AKAP13: variants seen among roughly 807,000 people sequenced by gnomAD.
The protein encoded by AKAP13 is A-kinase anchoring protein 13.
A neutral mutation model predicts 264.5 loss-of-function variants in AKAP13; 80 were observed. The observed-to-expected ratio is 0.30, with a 90% confidence interval of 0.25 to 0.36. AKAP13 has a LOEUF of 0.36. AKAP13 is among the 10% of genes least tolerant of loss of function. AKAP13 has a pLI of 1.00. For missense variants in AKAP13, 3,712 were observed against 3,435.2 expected, an observed-to-expected ratio of 1.08 and a Z score of -2.01; for synonymous variants, 1,380 against 1,250.2, an observed-to-expected ratio of 1.10 and a Z score of -2.19.
At chr15:85,614,725 G>A (rs1458577257) in intron 8 of AKAP13, among the ~76,000 whole-genome samples, 2 of 152,140 alleles carry the variant, frequency 1.3e-5, no homozygotes, top group East Asian at 1.9e-4. Flanking sequence ...ACACAACTGA[G>A]TTTAAAGCAA....
intron 8 of AKAP13, among the ~76,000 whole-genome samples, chr15:85,605,793 A>G (rs1383368370): frequency 6.6e-6 from 1 of 152,208 alleles, no homozygotes; most frequent in Non-Finnish European, 1.5e-5. Context: ...TCAGTCTTCA[A>G]GCTTATCAAG....
intron 9 of AKAP13, 150 bp from the exon 10 acceptor site, chr15:85,645,667 GA>G: frequency 1.2e-6 from 1 of 856,414 alleles, no homozygotes; most frequent in Non-Finnish European, 1.7e-6. Context: ...TCTTAATTTT[GA>G]AAAAAAGAAA....
At chr15:85,667,021 A>G (rs1596982227) in intron 13 of AKAP13, among the ~76,000 whole-genome samples, 1 of 152,176 alleles carries the variant, frequency 6.6e-6, no homozygotes, top group Non-Finnish European at 1.5e-5. Flanking sequence ...ATTTCCTCCA[A>G]ATGAAACACT....
chr15:85,519,638 C>T (rs2076740400), intron 2 of AKAP13, among the ~76,000 whole-genome samples: 1 of 152,186 alleles, frequency 6.6e-6, no homozygotes, highest in Non-Finnish European at 1.5e-5. Flanking sequence ...AAGTCTAATT[C>T]TGAGTAGTAA....
intron 8 of AKAP13, among the ~76,000 whole-genome samples, chr15:85,614,074 A>G (rs2080830786): frequency 6.6e-6 from 1 of 152,142 alleles, no homozygotes. Flanking sequence ...GCGGTGTAAT[A>G]TGTGTGTCAA....
chr15:85,569,098 A>G (rs1042591570), intron 5 of AKAP13, among the ~76,000 whole-genome samples: 5 of 152,198 alleles, frequency 3.3e-5, no homozygotes, highest in Admixed American at 3.3e-4. Flanking sequence ...CATAAATGGA[A>G]ATAGGTTTGG....
chr15:85,500,986 A>G (rs538843709), intron 2 of AKAP13, among the ~76,000 whole-genome samples: 10 of 152,302 alleles, frequency 6.6e-5, no homozygotes, highest in Admixed American at 1.3e-4. Flanking sequence ...AGGCGATGGT[A>G]CATTCCTTTT....
Position 85,579,933 on chromosome 15 carries a change from T to C in AKAP13, c.1865T>C (p.Leu622Pro). 1.9e-6 allele frequency: 3 copies of C among 1,614,212 alleles called. No individual in the cohort carries two copies. Among genetic ancestry groups the C allele is most frequent in the Non-Finnish European group, 2.5e-6 (3 of 1,180,028 alleles). Residue 622 changes from leucine to proline, a missense_variant, in exon 7 of 37, where the codon CTT becomes CCT. Leu to Pro is a moderately conservative substitution (Grantham distance 98). Coordinates refer to ENST00000394518, the MANE Select transcript of AKAP13 (RefSeq NM_007200.5). ...GEAMSPSDLA[L>P]LGLEEDVMPH... is the part of the protein sequence containing the mutation. ...GCAATGTCACCCTCAGATTTAGCCCTTCTTGGGCTGGAAGAAGATGTAATG... is the reference window on the plus strand; with the variant it reads ...GCAATGTCACCCTCAGATTTAGCCCCTCTTGGGCTGGAAGAAGATGTAATG...
intron 8 of AKAP13, among the ~76,000 whole-genome samples, chr15:85,608,047 G>T (rs528246467): frequency 6.6e-6 from 1 of 152,302 alleles, no homozygotes; most frequent in East Asian, 1.9e-4. Flanking sequence ...GTACAATGGT[G>T]TATATTTGCC....
At chr15:85,464,310 A>G (rs981606913) in intron 1 of AKAP13, among the ~76,000 whole-genome samples, 2 of 152,236 alleles carry the variant, frequency 1.3e-5, no homozygotes, top group Non-Finnish European at 1.5e-5. Flanking sequence ...AATACAGTCT[A>G]GAATTTAAAA....
At chr15:85,705,791 C>CATACAAAGTATTATACATAGGTAATTTAT (rs1273563588) in intron 17 of AKAP13, among the ~76,000 whole-genome samples, 4 of 152,126 alleles carry the variant, frequency 2.6e-5, no homozygotes, top group Admixed American at 6.5e-5. Flanking sequence ...CCTTTGTTTC[C>CATACAAAGTATTATACATAGGTAATTTAT]CTGCCCCATG....
rs1226410320 is a variant in AKAP13, at chr15:85,437,919, C to G, written c.-11-47791C>G. Among the ~76,000 whole-genome samples, 4 of 149,020 alleles carry G rather than the reference C, an allele frequency of 2.7e-5. No homozygotes were observed. The East Asian group carries it at 7.9e-4, about 29-fold the overall frequency. On this transcript the variant is annotated intron_variant, in intron 1 of 36. Transcript: ENST00000394518. Reference sequence around the variant, plus strand: ...TGAAAACTGGCACAAGACAGGGATGCCCTCTCTCACCACTCCTATTCAACA... The same window carrying G: ...TGAAAACTGGCACAAGACAGGGATGGCCTCTCTCACCACTCCTATTCAACA...
chr15:85,383,343 C>T (rs889997323), intron 1 of AKAP13, among the ~76,000 whole-genome samples: 1 of 152,222 alleles, frequency 6.6e-6, no homozygotes, highest in African/African-American at 2.4e-5. Flanking sequence ...GTTGCATAGC[C>T]TCTCAGAGCT....
At position 85,580,194 on chromosome 15, in the gene AKAP13, G is replaced by T. The variant is rs746447879; in HGVS notation, c.2126G>T (p.Cys709Phe). The T allele has an allele frequency of 4.2e-5, 68 of 1,614,086 alleles. No homozygotes were observed. The highest frequency in any genetic ancestry group is 5.7e-5 in the Non-Finnish European group (67 of 1,180,038). ...SSQDPPDASH[C>F]EDPQAHTVTS... ...CAAGATCCACCCGATGCCTCCCACTGTGAAGACCCACAGGCTCATACAGTC... is the reference window on the plus strand; with the variant it reads ...CAAGATCCACCCGATGCCTCCCACTTTGAAGACCCACAGGCTCATACAGTC... The change falls in exon 7 of 37, where the codon TGT becomes TTT. Residue 709 changes from cysteine (C) to phenylalanine (F), a missense_variant. Coordinates refer to ENST00000394518, the MANE Select transcript of AKAP13 (RefSeq NM_007200.5).
In AKAP13 at chr15:85,589,605, A is replaced by AG. The variant is rs1228840904; in HGVS notation, c.4161+3782_4161+3783insG. Among the ~76,000 whole-genome samples, 3 of 151,530 alleles carry AG rather than the reference A, an allele frequency of 2.0e-5. No individual in the cohort carries two copies. The East Asian group carries it at 5.8e-4, about 29-fold the overall frequency. On this transcript the variant is annotated intron_variant, in intron 8 of 36. Transcript: ENST00000394518. ...ACCTTGTCTCCACTAAAAAAAAAAA[A>AG]AAAAATACAAGAGTTAGCCAGAAAT...
chr15:85,542,359 CAAGGAAATTTACCTTGGAAATA>C (rs2077603614), intron 4 of AKAP13, among the ~76,000 whole-genome samples: 1 of 152,118 alleles, frequency 6.6e-6, no homozygotes, highest in Non-Finnish European at 1.5e-5. Context: ...ATTGTGCTTC[CAAGGAAATTTACCTTGGAAATA>C]GGGATACCAG....
At chr15:85,437,959 C>T (rs1476481999) in intron 1 of AKAP13, among the ~76,000 whole-genome samples, 20 of 146,250 alleles carry the variant, frequency 1.4e-4, no homozygotes, top group African/African-American at 3.8e-4. Flanking sequence ...GTTGGAAGTT[C>T]TGGCCAGGGC....
intron 5 of AKAP13, among the ~76,000 whole-genome samples, chr15:85,547,632 C>G (rs1407871197): frequency 2.0e-5 from 3 of 152,070 alleles, no homozygotes; most frequent in Admixed American, 1.3e-4. Flanking sequence ...CTTTTGTTGA[C>G]TTGCTGTTTC....
At chr15:85,530,238 C>T (rs2077205045) in intron 3 of AKAP13, among the ~76,000 whole-genome samples, 2 of 152,182 alleles carry the variant, frequency 1.3e-5, no homozygotes, top group African/African-American at 4.8e-5. Flanking sequence ...CCCATTCTGC[C>T]TGAGTAAACA....
Sources: allele counts gnomAD v4.1 joint callset (sites outside exome capture counted in the v4.1 genomes callset), GRCh38; gene constraint gnomAD v4.1.1; transcripts MANE v1.5; gene names NCBI Gene and HGNC (gene_info 2026-07-23, HGNC 2026-07-21).